CALN1: variants seen among roughly 807,000 people sequenced by gnomAD.
CALN1 encodes the protein calneuron 1, also known as calcium-binding protein 8.
Under a neutral mutation model 30.6 loss-of-function variants are expected in CALN1, and 17 were observed. The observed-to-expected ratio is 0.56, with a 90% CI of 0.38 to 0.83. CALN1 has a LOEUF of 0.83. Among genes scored for constraint, CALN1 ranks in the 40% least tolerant of loss-of-function variants. The pLI, the probability that CALN1 is intolerant of heterozygous loss-of-function variation, is 0.00. For synonymous variants in CALN1, 156 were observed against 131.4 expected, an observed-to-expected ratio of 1.19 and a Z score of -1.28; for missense variants, 291 against 354.9, an observed-to-expected ratio of 0.82 and a Z score of 1.45.
chr7:72,060,442 G>C (rs1331803711), intron 4 of CALN1, among the ~76,000 whole-genome samples: 1 of 152,162 alleles, frequency 6.6e-6, no homozygotes, highest in Admixed American at 6.5e-5. Context: ...GTACCAAGGA[G>C]GTCTTGGAGA....
intron 5 of CALN1, among the ~76,000 whole-genome samples, chr7:72,017,788 G>T (rs1446764802): frequency 1.3e-5 from 2 of 152,112 alleles, no homozygotes; most frequent in African/African-American, 4.8e-5. Context: ...TTGTGAATAA[G>T]ATTAAAAATG....
At chr7:72,273,421 CAA>C (rs71069048) in intron 3 of CALN1, among the ~76,000 whole-genome samples, 2 of 94,540 alleles carry the variant, frequency 2.1e-5, no homozygotes, top group Non-Finnish European at 1.9e-5. Context: ...GACTCCATCT[CAA>C]AAAAAAAAAA....
chr7:72,261,467 G>A, intron 3 of CALN1, among the ~76,000 whole-genome samples: 1 of 151,162 alleles, frequency 6.6e-6, no homozygotes, highest in Non-Finnish European at 1.5e-5. Context: ...TGCCAAGGCT[G>A]GAGTGCAGTG....
At chr7:72,021,002 G>A (rs944293963) in intron 5 of CALN1, among the ~76,000 whole-genome samples, 1 of 152,160 alleles carries the variant, frequency 6.6e-6, no homozygotes, top group Non-Finnish European at 1.5e-5. Context: ...CAGGTGCCAT[G>A]GCTCACTCCT....
At chr7:72,075,135 G>A (rs780128973) in intron 4 of CALN1, among the ~76,000 whole-genome samples, 2 of 152,180 alleles carry the variant, frequency 1.3e-5, no homozygotes, top group African/African-American at 2.4e-5. Context: ...CAGTCAGGCA[G>A]GAGGAGCTCT....
chr7:71,905,064 G>C (rs1794057271), intron 5 of CALN1, among the ~76,000 whole-genome samples: 1 of 151,984 alleles, frequency 6.6e-6, no homozygotes, highest in African/African-American at 2.4e-5. Flanking sequence ...TCAGCCTCCT[G>C]AGTAGCTGGA....
chr7:72,121,326 A>T (rs967422194), intron 3 of CALN1, among the ~76,000 whole-genome samples: 2 of 144,336 alleles, frequency 1.4e-5, no homozygotes, highest in Non-Finnish European at 3.0e-5. Flanking sequence ...TATATAAATT[A>T]AATAATATAT....
chr7:71,852,174 G>C (rs1391453670), intron 5 of CALN1, among the ~76,000 whole-genome samples: 1 of 152,168 alleles, frequency 6.6e-6, no homozygotes, highest in Middle Eastern at 3.2e-3. Context: ...TTGTTTATCT[G>C]TTCTCTGGTT....
At chr7:71,797,561 T>C (rs780527270) in intron 6 of CALN1, among the ~76,000 whole-genome samples, 4 of 152,100 alleles carry the variant, frequency 2.6e-5, no homozygotes, top group Non-Finnish European at 5.9e-5. Flanking sequence ...CATGATGCTT[T>C]TGTTAAGAGG....
intron 3 of CALN1, among the ~76,000 whole-genome samples, chr7:72,153,535 A>G (rs1787420696): frequency 6.8e-6 from 1 of 147,606 alleles, no homozygotes; most frequent in Non-Finnish European, 1.5e-5. Flanking sequence ...AAAAAAAAAA[A>G]TAGCCAAGGA....
chr7:72,068,751 A>T (rs924870470), intron 4 of CALN1, among the ~76,000 whole-genome samples: 19 of 152,150 alleles, frequency 1.2e-4, no homozygotes, highest in African/African-American at 4.6e-4. Flanking sequence ...TCGGCCTCCC[A>T]AAGTGCTGGG....
chr7:72,304,672 T>C (rs1460738894), intron 2 of CALN1, among the ~76,000 whole-genome samples: 1 of 152,120 alleles, frequency 6.6e-6, no homozygotes, highest in African/African-American at 2.4e-5. Context: ...TATATTACTT[T>C]CATTAGGTCA....
rs12154849 is a variant in CALN1, at chr7:71,906,320, C to T, written c.502-95828G>A. On this transcript the variant is annotated intron_variant, in intron 5 of 6. Coordinates refer to ENST00000395275, the MANE Select transcript of CALN1 (RefSeq NM_031468.4). ...TGGGAAGTGCAATTTAGAGGTAGAC[C>T]ACGTATTTCCCGGGCCATGAGCCAG... is the stretch of plus-strand genomic sequence containing the variant. 4.1e-3 allele frequency among the ~76,000 whole-genome samples: 620 copies of T among 152,104 alleles called. 3 individuals are homozygous for T. Among genetic ancestry groups the T allele is most frequent in the Non-Finnish European group, 7.1e-3 (485 of 67,998 alleles).
At chr7:72,105,271 T>TTCA (rs1191241310) in intron 4 of CALN1, among the ~76,000 whole-genome samples, 8 of 152,178 alleles carry the variant, frequency 5.3e-5, no homozygotes, top group Non-Finnish European at 1.2e-4. Flanking sequence ...AGTTACCTGT[T>TTCA]TCATGTCCTC....
chr7:72,011,843 T>C (rs1022405756), intron 5 of CALN1, among the ~76,000 whole-genome samples: 26 of 151,918 alleles, frequency 1.7e-4, no homozygotes, highest in African/African-American at 5.3e-4. Context: ...GACAAAAAAA[T>C]GTTGCCCACA....
intron 2 of CALN1, among the ~76,000 whole-genome samples, chr7:72,393,159 T>C (rs1057138795): frequency 8.5e-5 from 13 of 152,064 alleles, no homozygotes; most frequent in East Asian, 1.9e-4. Context: ...TAAAGTCCAA[T>C]ATTTTTGCCT....
chr7:72,248,172 T>C (rs1335411630), intron 3 of CALN1, among the ~76,000 whole-genome samples: 1 of 152,198 alleles, frequency 6.6e-6, no homozygotes, highest in East Asian at 1.9e-4. Flanking sequence ...TGGAGTGCAA[T>C]GGCACGATCT....
At chr7:71,963,408 G>A (rs1038875857) in intron 5 of CALN1, among the ~76,000 whole-genome samples, 26 of 152,174 alleles carry the variant, frequency 1.7e-4, no homozygotes, top group African/African-American at 4.6e-4. Context: ...TGATCCACCT[G>A]CCTCAGCCTC....
intron 3 of CALN1, among the ~76,000 whole-genome samples, chr7:72,222,307 T>C (rs1332278448): frequency 6.6e-6 from 1 of 152,036 alleles, no homozygotes; most frequent in African/African-American, 2.4e-5. Flanking sequence ...ATACTGGAAG[T>C]GTGATGCTGG....
Sources: gnomAD v4.1 joint callset for allele counts (sites outside exome capture counted in the v4.1 genomes callset) on GRCh38, gnomAD v4.1.1 for gene constraint, MANE v1.5 for transcripts, NCBI Gene and HGNC (gene_info 2026-07-23, HGNC 2026-07-21) for gene names.